The following KRT76 variants were observed in gnomAD, a reference collection of about 807,000 sequenced individuals.
KRT76 encodes the protein keratin 76, also known as keratin, type II cytoskeletal 2 oral.
A neutral mutation model predicts 44.9 loss-of-function variants in KRT76; 47 were observed. The observed-to-expected ratio is 1.05, with a 90% CI of 0.83 to 1.33. The LOEUF (loss-of-function observed/expected upper bound fraction) is 1.33. Among genes scored for constraint, KRT76 ranks in the 40% most tolerant of loss-of-function variants. The pLI, the probability that KRT76 is intolerant of heterozygous loss-of-function variation, is 0.00. For missense variants in KRT76, 860 were observed against 775.8 expected, an observed-to-expected ratio of 1.11 and a Z score of -1.29; for synonymous variants, 331 against 294.1, an observed-to-expected ratio of 1.13 and a Z score of -1.28.
intron 6 of KRT76, among the ~76,000 whole-genome samples, chr12:52,771,635 T>C (rs1257088017): frequency 6.6e-6 from 1 of 152,226 alleles, no homozygotes; most frequent in Non-Finnish European, 1.5e-5. Context: ...AGAACTGCAG[T>C]TGCAAGATTT....
Position 52,769,071 on chromosome 12 carries a change from C to A in KRT76, c.1559G>T (p.Gly520Val). ...SNVTSTSGSS[G>V]SSRGVFGGVS... Reference sequence around the variant, plus strand: ...CCCTCCAAAAACTCCACGGCTACTGCCAGAGCTGCCACTTGTGCTGGTGAC... The same window carrying A: ...CCCTCCAAAAACTCCACGGCTACTGACAGAGCTGCCACTTGTGCTGGTGAC... Residue 520 changes from glycine (G) to valine (V), a missense_variant, in exon 9 of 9, where the codon GGC becomes GTC. Transcript: ENST00000332411. The A allele has an allele frequency of 2.8e-6, 2 of 719,806 alleles. No individual in the cohort carries two copies. Among genetic ancestry groups the A allele is most frequent in the Non-Finnish European group, 5.2e-6 (2 of 386,678 alleles). The allele number at this position is 719,806 out of a possible 1,614,324, so 44.6% of individuals were successfully genotyped here. A position where few individuals can be genotyped will look rare whatever the true frequency, so the allele number is the denominator to read the frequency against.
At chr12:52,775,655 G>T (rs912973113) in intron 1 of KRT76, 53 bp from the exon 2 acceptor site, 18 of 1,420,648 alleles carry the variant, frequency 1.3e-5, no homozygotes, top group East Asian at 2.3e-5. Context: ...GGCATGTGGG[G>T]CTGCCCATCC....
At chr12:52,772,512 G>T (rs1226330457) in intron 4 of KRT76, among the ~76,000 whole-genome samples, 1 of 152,216 alleles carries the variant, frequency 6.6e-6, no homozygotes, top group Non-Finnish European at 1.5e-5. Flanking sequence ...AGTTTCCATG[G>T]GCCCCCAGCA....
At chr12:52,775,155 C>T (rs563561032) in intron 2 of KRT76, among the ~76,000 whole-genome samples, 10 of 152,270 alleles carry the variant, frequency 6.6e-5, no homozygotes, top group African/African-American at 2.4e-4. Context: ...CTCTTTTGTC[C>T]CTCTGGGCTG....
Position 52,768,520 on chromosome 12 carries a change from G to A in KRT76, c.*193C>T. 1 of 607,056 alleles carries A rather than the reference G, an allele frequency of 1.6e-6. No homozygotes were observed. The highest frequency in any genetic ancestry group is 2.8e-6 in the Non-Finnish European group (1 of 355,378). 37.6% of individuals were successfully genotyped at this position (607,056 alleles called of 1,614,324 possible). A position where few individuals can be genotyped will look rare whatever the true frequency, so the allele number is the denominator to read the frequency against. ...GGTTTCCAGGGGCATCATCATCCCA[G>A]ACCAGCAGCAGGACCTCCATGGCCC... On this transcript the variant is annotated 3_prime_UTR_variant, in exon 9 of 9. Coordinates refer to ENST00000332411, the MANE Select transcript of KRT76 (RefSeq NM_015848.4).
At chr12:52,774,704 G>A (rs2121196058) in intron 2 of KRT76, among the ~76,000 whole-genome samples, 1 of 152,328 alleles carries the variant, frequency 6.6e-6, no homozygotes, top group South Asian at 2.1e-4. Flanking sequence ...CTGCCACAGA[G>A]TGGGTGCCCA....
intron 4 of KRT76, 111 bp downstream of exon 4, chr12:52,772,672 C>A: frequency 1.3e-6 from 1 of 790,606 alleles, no homozygotes. Context: ...GAGCTGAGTC[C>A]TGAGCCCCAT....
intron 1 of KRT76, among the ~76,000 whole-genome samples, chr12:52,776,131 G>A (rs1017712901): frequency 2.0e-5 from 3 of 152,156 alleles, no homozygotes; most frequent in African/African-American, 7.2e-5. Flanking sequence ...CAGTTATTCA[G>A]CTTGCAGCTG....
Position 52,775,501 on chromosome 12 carries a change from A to G in KRT76, c.702T>C (p.Phe234=), listed in dbSNP as rs766140677. ...TGCATAGGAAGCTGATGTAGGATTC[A>G]AAACAAGGCTCCAGGCTGCTGGGCC... ...GSGPSSLEPC[F]ESYISFLCKQ... The change falls in exon 2 of 9, where the codon TTT becomes TTC. Residue 234 remains phenylalanine, a synonymous_variant. Coordinates refer to ENST00000332411, the MANE Select transcript of KRT76 (RefSeq NM_015848.4). The G allele has an allele frequency of 5.0e-6, 8 of 1,614,238 alleles. No individual in the cohort carries two copies. Among genetic ancestry groups the G allele is most frequent in the Non-Finnish European group, 6.8e-6 (8 of 1,180,046 alleles).
chr12:52,777,249 G>A lies in KRT76; in HGVS notation c.43C>T (p.Gln15Ter). Residue 15 changes from glutamine to a stop codon, truncating the protein, a stop_gained, in exon 1 of 9, where the codon CAG (glutamine) becomes TAG (stop). Transcript: ENST00000332411. LOFTEE classifies it high-confidence loss of function. ...ACAGCAGAGCGGCCAGAGAAACCCT[G>A]GCTCCTGCCACTGAAGGATTTCTTG... ...VCKKSFSGRS[Q>*]GFSGRSAVVS... 6.2e-7 allele frequency: 1 copy of A among 1,614,220 alleles called. No individual in the cohort carries two copies. The highest frequency in any genetic ancestry group is 8.5e-7 in the Non-Finnish European group (1 of 1,180,040).
At chr12:52,774,560 T>G (rs1939231902) in intron 2 of KRT76, among the ~76,000 whole-genome samples, 1 of 152,184 alleles carries the variant, frequency 6.6e-6, no homozygotes. Context: ...CTTGAGGAAT[T>G]GGACTGATTC....
At chr12:52,772,650 C>T in intron 4 of KRT76, 133 bp downstream of exon 4, 2 of 713,622 alleles carry the variant, frequency 2.8e-6, no homozygotes. Flanking sequence ...TTAACATTTC[C>T]CAGGTGGGGT....
intron 7 of KRT76, among the ~76,000 whole-genome samples, chr12:52,770,287 A>G (rs1171466611): frequency 6.6e-6 from 1 of 152,118 alleles, no homozygotes; most frequent in Non-Finnish European, 1.5e-5. Flanking sequence ...TGCTTCCTCC[A>G]TCAGATTGGG....
Position 52,770,989 on chromosome 12 carries a change from G to A in KRT76, c.1484+10C>T. On this transcript the variant is annotated intron_variant, in intron 7 of 8. Coordinates refer to ENST00000332411, the MANE Select transcript of KRT76 (RefSeq NM_015848.4). ...CATATCTGGAGAATGGTGATCCCAT[G>A]GCCCCTCACCTGCACTCCTCTCCCT... 1 of 1,613,956 alleles carries A rather than the reference G, an allele frequency of 6.2e-7. No homozygotes were observed.
rs753847561 is a variant in KRT76 at position 52,772,148 on chromosome 12, A to T, written c.1083T>A (p.Tyr361Ter). The T allele has an allele frequency of 6.2e-7, 1 of 1,613,714 alleles. No homozygotes were observed. The change falls in exon 5 of 9, where the codon TAT becomes TAA. Residue 361 changes from tyrosine (Y) to a stop codon, truncating the protein, a stop_gained. Transcript: ENST00000332411. LOFTEE classifies it high-confidence loss of function. ...ACTTGCTCCTCTGGGCAATCTCCTCATACTGGGCGCGGACCTCGGCAATGA... is the reference window on the plus strand; with the variant it reads ...ACTTGCTCCTCTGGGCAATCTCCTCTTACTGGGCGCGGACCTCGGCAATGA... ...GSIIAEVRAQ[Y>*]EEIAQRSKSE...
chr12:52,772,035 G>C, intron 5 of KRT76, 39 bp from the exon 6 acceptor site: 4 of 1,610,316 alleles, frequency 2.5e-6, no homozygotes, highest in Non-Finnish European at 3.4e-6. Context: ...CTTTTGCAAA[G>C]TGTTGGCACA....
In KRT76 at chr12:52,775,021, T is replaced by C. The variant is rs576085648; in HGVS notation, c.815+367A>G. Among the ~76,000 whole-genome samples the C allele has an allele frequency of 3.3e-5, 5 of 152,300 alleles. No individual in the cohort carries two copies. The East Asian group carries it at 9.6e-4, about 29-fold the overall frequency. On this transcript the variant is annotated intron_variant, in intron 2 of 8. Transcript: ENST00000332411. ...CACTCCTGGGGCCTGTCCACACCTA[T>C]GATTCAGAATACCTAAGACTGGAAT...
chr12:52,768,858 A>G lies in KRT76; in HGVS notation c.1772T>C (p.Ile591Thr). 2 of 1,613,644 alleles carry G rather than the reference A, an allele frequency of 1.2e-6. No individual in the cohort carries two copies. The highest frequency in any genetic ancestry group is 4.5e-5 in the East Asian group (2 of 44,860). The part of the protein sequence containing the change: ...SGSRLGGAGS[I>T]SVSHSGMGSS... ...GCCCATTCCACTGTGGCTCACGGAG[A>G]TGCTACCTGCACCGCCGAGCCTGCT... The change falls in exon 9 of 9, where the codon ATC (isoleucine) becomes ACC (threonine). Residue 591 changes from isoleucine (I) to threonine (T), a missense_variant. Transcript: ENST00000332411.
chr12:52,770,705 G>C (rs58322669), intron 7 of KRT76, among the ~76,000 whole-genome samples: 5,524 of 152,252 alleles, frequency 0.036, 322 homozygotes, highest in African/African-American at 0.13. Flanking sequence ...AAAAGTTCCA[G>C]TGGACAGCAC....
Sources: gnomAD v4.1 joint callset for allele counts (sites outside exome capture counted in the v4.1 genomes callset) on GRCh38, gnomAD v4.1.1 for gene constraint, MANE v1.5 for transcripts, NCBI Gene and HGNC (gene_info 2026-07-23, HGNC 2026-07-21) for gene names.